Variants in PCCA observed in about 807,000 individuals in gnomAD.
PCCA encodes the protein propionyl-CoA carboxylase subunit alpha.
A neutral mutation model predicts 101.3 loss-of-function variants in PCCA; 74 were observed. The ratio of observed to expected loss-of-function variants is 0.73; its 90% CI spans 0.61 to 0.89. PCCA has a LOEUF of 0.89. Ranked by LOEUF, PCCA falls within the 40% of genes least tolerant of loss-of-function variation. PCCA has a pLI of 0.00. For synonymous variants in PCCA, 294 were observed against 313.6 expected, an observed-to-expected ratio of 0.94 and a Z score of 0.66; for missense variants, 891 against 907.0, an observed-to-expected ratio of 0.98 and a Z score of 0.23.
chr13:100,401,491 CT>C (rs1329609530), intron 19 of PCCA, among the ~76,000 whole-genome samples: 1 of 152,158 alleles, frequency 6.6e-6, no homozygotes, highest in East Asian at 1.9e-4. Flanking sequence ...ATCCACCCAC[CT>C]TGGCCTCCCA....
At chr13:100,358,054 T>C (rs549713109) in intron 18 of PCCA, among the ~76,000 whole-genome samples, 52 of 152,350 alleles carry the variant, frequency 3.4e-4, no homozygotes, top group African/African-American at 1.2e-3. Flanking sequence ...CTCATCAATT[T>C]GAGGTACTTG....
At chr13:100,216,793 T>C (rs980352118) in intron 7 of PCCA, among the ~76,000 whole-genome samples, 1 of 152,066 alleles carries the variant, frequency 6.6e-6, no homozygotes, top group African/African-American at 2.4e-5. Context: ...CCAAGGAAAA[T>C]ATGGAGAAAA....
At chr13:100,306,736 A>T (rs529003212) in intron 14 of PCCA, among the ~76,000 whole-genome samples, 144 of 152,300 alleles carry the variant, frequency 9.5e-4, no homozygotes, top group African/African-American at 1.5e-3. Flanking sequence ...TACAGTTGAG[A>T]GGGTGAGGCA....
chr13:100,301,428 C>T, intron 12 of PCCA, 32 bp from the exon 13 acceptor site: 1 of 1,612,798 alleles, frequency 6.2e-7, no homozygotes, highest in Non-Finnish European at 8.5e-7. Flanking sequence ...CCCTTTTCTA[C>T]ACCTACTGAC....
At chr13:100,461,836 G>T (rs2082185333) in intron 21 of PCCA, among the ~76,000 whole-genome samples, 5 of 152,306 alleles carry the variant, frequency 3.3e-5, no homozygotes, top group Admixed American at 2.6e-4. Flanking sequence ...AGCTGCATTG[G>T]TCCCCACTTT....
chr13:100,290,401 CG>C (rs995826452), intron 12 of PCCA, among the ~76,000 whole-genome samples: 5 of 151,880 alleles, frequency 3.3e-5, no homozygotes, highest in Non-Finnish European at 7.4e-5. Context: ...TTTGTAGAGA[CG>C]AGATCTCACT....
intron 12 of PCCA, among the ~76,000 whole-genome samples, chr13:100,298,091 T>C (rs1396753071): frequency 6.6e-6 from 1 of 152,114 alleles, no homozygotes; most frequent in Non-Finnish European, 1.5e-5. Context: ...ATCCCTGATT[T>C]GTGTGCTTTT....
At chr13:100,264,732 A>G (rs1397956505) in intron 10 of PCCA, among the ~76,000 whole-genome samples, 1 of 152,112 alleles carries the variant, frequency 6.6e-6, no homozygotes, top group Non-Finnish European at 1.5e-5. Context: ...GAGGAGAGGT[A>G]TTGTTGGATT....
chr13:100,418,289 T>G (rs1411974579), intron 19 of PCCA, among the ~76,000 whole-genome samples: 1 of 152,192 alleles, frequency 6.6e-6, no homozygotes, highest in African/African-American at 2.4e-5. Flanking sequence ...AAGGGCACAG[T>G]TAACATGCGT....
chr13:100,330,101 C>T (rs1416067673), intron 16 of PCCA, among the ~76,000 whole-genome samples: 4 of 152,098 alleles, frequency 2.6e-5, no homozygotes, highest in African/African-American at 9.7e-5. Context: ...CAACTTTTTG[C>T]GGGGAAAACA....
At chr13:100,365,479 T>A (rs996778251) in intron 18 of PCCA, among the ~76,000 whole-genome samples, 11 of 152,200 alleles carry the variant, frequency 7.2e-5, no homozygotes, top group African/African-American at 2.7e-4. Flanking sequence ...AGAGACTTGT[T>A]ACGTGATAGA....
intron 19 of PCCA, among the ~76,000 whole-genome samples, chr13:100,398,544 G>A (rs762155427): frequency 2.6e-5 from 4 of 152,026 alleles, no homozygotes; most frequent in Admixed American, 6.5e-5. Context: ...GAATTGTTCC[G>A]CTATTTGGCA....
chr13:100,372,191 A>G (rs1009518484), intron 19 of PCCA, among the ~76,000 whole-genome samples: 5 of 152,154 alleles, frequency 3.3e-5, no homozygotes, highest in African/African-American at 1.2e-4. Flanking sequence ...CTAAAAATAC[A>G]AACATTAGCT....
At chr13:100,449,104 G>A (rs1169106606) in intron 20 of PCCA, 148 bp from the exon 21 acceptor site, 16 of 535,996 alleles carry the variant, frequency 3.0e-5, no homozygotes, top group Non-Finnish European at 5.3e-5. Flanking sequence ...TCCTTTTTAT[G>A]GCCAAATAAT....
chr13:100,396,254 C>T (rs1422248293), intron 19 of PCCA, among the ~76,000 whole-genome samples: 4 of 152,158 alleles, frequency 2.6e-5, no homozygotes, highest in Non-Finnish European at 5.9e-5. Context: ...AATACCAATC[C>T]TGAACCTGCT....
chr13:100,476,011 A>G (rs1489624571), intron 21 of PCCA, among the ~76,000 whole-genome samples: 2 of 152,220 alleles, frequency 1.3e-5, no homozygotes, highest in African/African-American at 4.8e-5. Flanking sequence ...CAGTTAATAT[A>G]TATTTTCTAG....
intron 21 of PCCA, among the ~76,000 whole-genome samples, chr13:100,455,809 T>C (rs28627700): frequency 0.11 from 15,978 of 151,990 alleles, 1,418 homozygotes; most frequent in African/African-American, 0.24. Context: ...AAGCAATTCT[T>C]CTGTCTCAGC....
At chr13:100,288,177 C>T (rs1446013861) in intron 12 of PCCA, among the ~76,000 whole-genome samples, 1 of 152,144 alleles carries the variant, frequency 6.6e-6, no homozygotes, top group Non-Finnish European at 1.5e-5. Context: ...AATCTAAGTA[C>T]ACAGAATTCC....
chr13:100,385,179 G>A (rs922008592), intron 19 of PCCA, among the ~76,000 whole-genome samples: 3 of 152,158 alleles, frequency 2.0e-5, no homozygotes, highest in African/African-American at 7.2e-5. Context: ...AAAACATAAT[G>A]CATAAACATA....
Sources: allele counts gnomAD v4.1 joint callset (sites outside exome capture counted in the v4.1 genomes callset), GRCh38; gene constraint gnomAD v4.1.1; transcripts MANE v1.5; gene names NCBI Gene and HGNC (gene_info 2026-07-23, HGNC 2026-07-21).